Variants in NAALADL2 observed in about 807,000 individuals in gnomAD.
NAALADL2 encodes inactive N-acetylated-alpha-linked acidic dipeptidase-like protein 2.
NAALADL2 carries 76 observed loss-of-function variants against 87.2 expected under a neutral mutation model. The ratio of observed to expected loss-of-function variants is 0.87; its 90% CI spans 0.72 to 1.05. The LOEUF is 1.05. NAALADL2 is among the 50% of genes least tolerant of loss of function. The pLI, the probability that NAALADL2 is intolerant of heterozygous loss-of-function variation, is 0.00. For missense variants in NAALADL2, 1,089 were observed against 945.8 expected (o/e 1.15, Z -1.99); for synonymous variants, 354 against 331.0 (o/e 1.07, Z -0.75).
rs908327094 is a variant in NAALADL2 at position 175,612,493 on chromosome 3, TA to T, written c.1801-14796del. On this transcript the variant is annotated intron_variant, in intron 10 of 13. Coordinates refer to ENST00000454872, the MANE Select transcript of NAALADL2 (RefSeq NM_207015.3). ...TTGGCCAAAGGACCTTGAAGGGCTA[TA>T]ATATCTTTCTCAGGATTTGACGAAT... Among the ~76,000 whole-genome samples, 39 of 152,318 alleles carry T rather than the reference TA, an allele frequency of 2.6e-4. No individual in the cohort carries two copies. In the East Asian group the frequency reaches 7.3e-3, roughly 29 times the overall value.
intron 11 of NAALADL2, among the ~76,000 whole-genome samples, chr3:175,665,619 G>A (rs1270744837): frequency 6.6e-6 from 1 of 152,066 alleles, no homozygotes; most frequent in African/African-American, 2.4e-5. Context: ...AGTTCATTAT[G>A]ATAGCATCTT....
chr3:175,096,495 C>CGTGTGT (rs3067035), intron 1 of NAALADL2, among the ~76,000 whole-genome samples: 229 of 143,318 alleles, frequency 1.6e-3, no homozygotes, highest in African/African-American at 3.8e-3. Flanking sequence ...ATTAATGGGG[C>CGTGTGT]GTGTGTGTGT....
chr3:175,030,956 C>T (rs1752732893), intron 1 of NAALADL2, among the ~76,000 whole-genome samples: 1 of 151,840 alleles, frequency 6.6e-6, no homozygotes, highest in Admixed American at 6.6e-5. Context: ...CAACCCTGCA[C>T]CCTGCAAGCC....
intron 3 of NAALADL2, among the ~76,000 whole-genome samples, chr3:174,766,169 G>T (rs115008123): frequency 5.3e-5 from 8 of 152,156 alleles, no homozygotes; most frequent in African/African-American, 1.9e-4. Context: ...CTATTTGGAT[G>T]TCATTATTCA....
At chr3:175,523,847 TA>T (rs1170059518) in intron 9 of NAALADL2, among the ~76,000 whole-genome samples, 1 of 152,192 alleles carries the variant, frequency 6.6e-6, no homozygotes, top group Non-Finnish European at 1.5e-5. Flanking sequence ...AAGTTTGCTT[TA>T]TGAGGAAGTT....
chr3:174,505,629 G>A (rs891440435), intron 1 of NAALADL2, among the ~76,000 whole-genome samples: 1 of 152,142 alleles, frequency 6.6e-6, no homozygotes, highest in African/African-American at 2.4e-5. Context: ...GGTAGTGGAA[G>A]GACACTGTTT....
Position 175,324,203 on chromosome 3 carries a change from G to T in NAALADL2, c.968G>T (p.Gly323Val). ...KLSSLEKAGF[G>V]GVLLYIDPCD... is the part of the protein sequence containing the mutation. ...TCCTCATTGGAAAAGGCTGGATTTG[G>T]AGGTGTTCTTCTGTATATCGATCCT... The change falls in exon 5 of 14, where the codon GGA (glycine) becomes GTA (valine). Residue 323 changes from glycine (G) to valine (V), a missense_variant. By Grantham distance (109) the Gly-to-Val change is moderately radical. Coordinates refer to ENST00000454872, the MANE Select transcript of NAALADL2 (RefSeq NM_207015.3). 1.2e-6 allele frequency: 2 copies of T among 1,613,540 alleles called. No individual in the cohort carries two copies. The highest frequency in any genetic ancestry group is 1.7e-6 in the Non-Finnish European group (2 of 1,179,684).
intron 2 of NAALADL2, among the ~76,000 whole-genome samples, chr3:174,619,054 C>A (rs535580997): frequency 6.6e-6 from 1 of 151,908 alleles, no homozygotes; most frequent in Admixed American, 6.6e-5. Context: ...TTAACATCAA[C>A]AAGTTACCTT....
chr3:175,734,981 G>T (rs749477137), intron 11 of NAALADL2, among the ~76,000 whole-genome samples: 11 of 152,112 alleles, frequency 7.2e-5, no homozygotes, highest in Non-Finnish European at 1.3e-4. Context: ...CTATCACATT[G>T]TCAGGCTGCA....
chr3:175,533,743 G>A (rs1230380990), intron 9 of NAALADL2, among the ~76,000 whole-genome samples: 1 of 152,086 alleles, frequency 6.6e-6, no homozygotes, highest in African/African-American at 2.4e-5. Context: ...CTTGATAAGA[G>A]CTTGTGTCTG....
At chr3:175,007,077 C>G (rs1334577517) in intron 1 of NAALADL2, among the ~76,000 whole-genome samples, 4 of 139,852 alleles carry the variant, frequency 2.9e-5, no homozygotes, top group Non-Finnish European at 4.6e-5. Context: ...TCTATGAATG[C>G]AAATTAAACA....
intron 1 of NAALADL2, among the ~76,000 whole-genome samples, chr3:175,046,046 A>G (rs1167169903): frequency 2.0e-5 from 3 of 151,732 alleles, no homozygotes; most frequent in Non-Finnish European, 4.4e-5. Context: ...AATATTTTTT[A>G]GTTTTCAGGA....
intron 1 of NAALADL2, among the ~76,000 whole-genome samples, chr3:175,058,386 G>A (rs1283855169): frequency 6.6e-6 from 1 of 152,062 alleles, no homozygotes; most frequent in Non-Finnish European, 1.5e-5. Flanking sequence ...TAGGCCCTGG[G>A]CTCGGTGCTA....
chr3:174,987,580 A>C (rs1746067691), intron 1 of NAALADL2, among the ~76,000 whole-genome samples: 1 of 120,524 alleles, frequency 8.3e-6, no homozygotes, highest in Non-Finnish European at 1.5e-5. Context: ...AAAAAAAAAA[A>C]AAAAAAAAAA....
rs549452807 is a variant in NAALADL2 at position 174,826,208 on chromosome 3, A to G, written c.-9+88462A>G. Among the ~76,000 whole-genome samples the G allele has an allele frequency of 9.9e-4, 151 of 152,324 alleles. 1 individual carries two copies. The highest frequency in any genetic ancestry group is 1.9e-3 in the Non-Finnish European group (126 of 68,024). On this transcript the variant is annotated intron_variant, in intron 3 of 3. Coordinates refer to the NAALADL2 transcript ENST00000434257. The stretch of plus-strand genomic sequence containing the variant: ...CTTATTTGATTGTTTACTTTGTTCT[A>G]ATCTGTCTTTCCAACTAGAAAGTAA...
intron 1 of NAALADL2, among the ~76,000 whole-genome samples, chr3:174,929,840 T>C (rs866843396): frequency 6.6e-6 from 1 of 152,290 alleles, no homozygotes; most frequent in African/African-American, 2.4e-5. Context: ...TTAATTAACA[T>C]TTCTATAAGA....
At chr3:174,560,883 G>T (rs2108511256) in intron 2 of NAALADL2, among the ~76,000 whole-genome samples, 1 of 152,214 alleles carries the variant, frequency 6.6e-6, no homozygotes, top group Non-Finnish European at 1.5e-5. Context: ...CCATCACTGA[G>T]ATAAAAGCTC....
intron 1 of NAALADL2, among the ~76,000 whole-genome samples, chr3:175,063,047 T>G (rs1713839044): frequency 6.6e-6 from 1 of 152,194 alleles, no homozygotes; most frequent in Admixed American, 6.6e-5. Context: ...ACATATATTT[T>G]TATAAAATGG....
intron 10 of NAALADL2, among the ~76,000 whole-genome samples, chr3:175,608,516 T>A (rs1724101482): frequency 6.6e-6 from 1 of 152,020 alleles, no homozygotes; most frequent in Non-Finnish European, 1.5e-5. Context: ...GTACTTTTGT[T>A]CTGCTCTTCT....
Sources: gnomAD v4.1 joint callset for allele counts (sites outside exome capture counted in the v4.1 genomes callset) on GRCh38, gnomAD v4.1.1 for gene constraint, MANE v1.5 for transcripts, NCBI Gene and HGNC (gene_info 2026-07-23, HGNC 2026-07-21) for gene names.